The following CPS1 variants were observed in gnomAD, a reference collection of about 807,000 sequenced individuals.
CPS1 encodes carbamoyl-phosphate synthase 1, also known as carbamoyl-phosphate synthase [ammonia], mitochondrial.
Under a neutral mutation model 174.6 loss-of-function variants are expected in CPS1, and 109 were observed. The observed-to-expected ratio is 0.62, with a 90% CI of 0.53 to 0.73. The LOEUF is 0.73. Ranked by LOEUF, CPS1 falls within the 30% of genes least tolerant of loss-of-function variation. CPS1 has a pLI of 0.00. For missense variants in CPS1, 1,689 were observed against 1,821.9 expected, an observed-to-expected ratio of 0.93 and a Z score of 1.33; for synonymous variants, 637 against 632.0, an observed-to-expected ratio of 1.01 and a Z score of -0.12.
At chr2:210,537,046 T>G (rs1264208082) in intron 1 of CPS1, among the ~76,000 whole-genome samples, 2 of 152,222 alleles carry the variant, frequency 1.3e-5, no homozygotes, top group African/African-American at 4.8e-5. Context: ...ATTCACTTCC[T>G]TAATGATACC....
intron 1 of CPS1, among the ~76,000 whole-genome samples, chr2:210,492,411 A>G (rs1694896759): frequency 6.6e-6 from 1 of 152,224 alleles, no homozygotes; most frequent in African/African-American, 2.4e-5. Flanking sequence ...AAGTAAAAGC[A>G]TTTACTACGT....
intron 5 of CPS1, among the ~76,000 whole-genome samples, chr2:210,581,369 T>C (rs940179708): frequency 6.6e-6 from 1 of 152,162 alleles, no homozygotes; most frequent in African/African-American, 2.4e-5. Context: ...GTTTTCAAAA[T>C]TGGCGGAATA....
intron 1 of CPS1, among the ~76,000 whole-genome samples, chr2:210,546,285 T>C (rs1050889617): frequency 7.2e-5 from 11 of 152,072 alleles, no homozygotes; most frequent in African/African-American, 2.4e-4. Context: ...TTCTAATTTG[T>C]CGATATTAAA....
intron 5 of CPS1, among the ~76,000 whole-genome samples, chr2:210,580,085 T>C (rs575130875): frequency 6.6e-6 from 1 of 152,314 alleles, no homozygotes; most frequent in African/African-American, 2.4e-5. Flanking sequence ...GATAGAACTT[T>C]AGTGAAACAA....
At chr2:210,648,393 T>G in intron 26 of CPS1, 80 bp from the exon 27 acceptor site, 1 of 1,218,094 alleles carries the variant, frequency 8.2e-7, no homozygotes, top group Non-Finnish European at 1.2e-6. Context: ...GGGCTACCAC[T>G]CGAGCTAATG....
rs565752800 is a variant in CPS1 at position 210,665,305 on chromosome 2, GT to G, written c.4002+2118del. ...TAAGAAATGAATTTAGCCATCAGTG[GT>G]TTTTTTTTTCTTTTTTTTCTTTTTT... is the stretch of plus-strand genomic sequence containing the variant. On this transcript the variant is annotated intron_variant, in intron 33 of 37. Transcript: ENST00000233072. Among the ~76,000 whole-genome samples, 471 of 148,028 alleles carry G rather than the reference GT, an allele frequency of 3.2e-3. 1 individual carries two copies. Among genetic ancestry groups the G allele is most frequent in the African/African-American group, 7.0e-3 (282 of 40,260 alleles).
At chr2:210,483,218 A>C (rs539109568) in intron 1 of CPS1, among the ~76,000 whole-genome samples, 3 of 152,288 alleles carry the variant, frequency 2.0e-5, no homozygotes, top group African/African-American at 7.2e-5. Context: ...GTAAAGACTC[A>C]TAAACCTTCC....
At chr2:210,598,225 G>GTA (rs1490964214) in intron 13 of CPS1, among the ~76,000 whole-genome samples, 2 of 151,870 alleles carry the variant, frequency 1.3e-5, no homozygotes, top group African/African-American at 2.4e-5. Flanking sequence ...GGAACACTAA[G>GTA]TATAGAAAGA....
At chr2:210,573,481 A>C (rs1181567881) in intron 2 of CPS1, 74 bp downstream of exon 2, 2 of 1,164,014 alleles carry the variant, frequency 1.7e-6, no homozygotes, top group African/African-American at 1.5e-5. Context: ...TCATGGTGGT[A>C]AGTTGAAATC....
chr2:210,637,812 T>C lies in CPS1; in HGVS notation c.2798T>C (p.Leu933Ser). 6.2e-7 allele frequency: 1 copy of C among 1,613,970 alleles called. No homozygotes were observed. The highest frequency in any genetic ancestry group is 8.5e-7 in the Non-Finnish European group (1 of 1,179,898). ...GAGGCCCAGACAAGGGAGCTGAGGT[T>C]AAAGAAAAACATCCACCCTTGGGTT... ...LTEAQTRELRLKKNIHPWVKQ... is the reference protein window; with the variant it reads ...LTEAQTRELRSKKNIHPWVKQ... Residue 933 changes from leucine to serine, a missense_variant, in exon 22 of 38, where the codon TTA becomes TCA. Leu to Ser is a moderately radical substitution (Grantham distance 145, BLOSUM62 -2). Transcript: ENST00000233072.
chr2:210,560,867 T>C (rs1005102970), intron 1 of CPS1, among the ~76,000 whole-genome samples: 2 of 152,128 alleles, frequency 1.3e-5, no homozygotes, highest in African/African-American at 4.8e-5. Flanking sequence ...CTTTTAAGAA[T>C]AACTATTTTA....
At chr2:210,523,156 G>T (rs748112048) in intron 1 of CPS1, among the ~76,000 whole-genome samples, 1 of 151,908 alleles carries the variant, frequency 6.6e-6, no homozygotes, top group Non-Finnish European at 1.5e-5. Flanking sequence ...AATAAGCATG[G>T]GCTATGTAAT....
At chr2:210,558,586 T>C (rs371207401) in intron 1 of CPS1, among the ~76,000 whole-genome samples, 19 of 152,162 alleles carry the variant, frequency 1.2e-4, no homozygotes, top group African/African-American at 4.6e-4. Flanking sequence ...ACTTGGAATA[T>C]CTTCTTCTCA....
At chr2:210,574,800 G>A (rs1271308685) in intron 2 of CPS1, among the ~76,000 whole-genome samples, 1 of 151,960 alleles carries the variant, frequency 6.6e-6, no homozygotes, top group Non-Finnish European at 1.5e-5. Flanking sequence ...AGTATTGTAA[G>A]CATATGTTTA....
intron 14 of CPS1, among the ~76,000 whole-genome samples, chr2:210,600,259 G>A (rs146010641): frequency 6.6e-6 from 1 of 151,846 alleles, no homozygotes; most frequent in African/African-American, 2.4e-5. Context: ...TGGACTTTAG[G>A]AGGAAAGGGA....
Position 210,663,106 on chromosome 2 carries a change from T to G in CPS1, c.3928-17T>G, listed in dbSNP as rs532757361. ...CCCTCACATAATTTTTCTCCCTGTTTTTTTTTTTTCCAACAGGCTCCCATG... is the reference window on the plus strand; with the variant it reads ...CCCTCACATAATTTTTCTCCCTGTTGTTTTTTTTTCCAACAGGCTCCCATG... On this transcript the variant is annotated splice_polypyrimidine_tract_variant and intron_variant, in intron 32 of 37. Coordinates refer to ENST00000233072, the MANE Select transcript of CPS1 (RefSeq NM_001875.5). 3.6e-4 allele frequency: 568 copies of G among 1,582,092 alleles called. 3 individuals are homozygous for G. In the African/African-American group the frequency reaches 6.8e-3, roughly 19 times the overall value.
intron 21 of CPS1, among the ~76,000 whole-genome samples, chr2:210,628,375 A>G (rs1044421039): frequency 1.3e-5 from 2 of 152,172 alleles, no homozygotes; most frequent in Non-Finnish European, 2.9e-5. Flanking sequence ...CCAGGAATTT[A>G]ATTCTAGCAT....
chr2:210,544,544 T>C (rs1270669915), intron 1 of CPS1, among the ~76,000 whole-genome samples: 2 of 152,056 alleles, frequency 1.3e-5, no homozygotes, highest in Non-Finnish European at 2.9e-5. Flanking sequence ...ATTCTGCTTG[T>C]TGCTGAGCTT....
chr2:210,580,757 A>G (rs2106088084), intron 5 of CPS1, among the ~76,000 whole-genome samples: 1 of 151,580 alleles, frequency 6.6e-6, no homozygotes, highest in East Asian at 2.0e-4. Context: ...GCTACTTAGG[A>G]GGCTGAGGCA....
Sources: allele counts gnomAD v4.1 joint callset (sites outside exome capture counted in the v4.1 genomes callset), GRCh38; gene constraint gnomAD v4.1.1; transcripts MANE v1.5; gene names NCBI Gene and HGNC (gene_info 2026-07-23, HGNC 2026-07-21).